The following LRRC4C variants were observed in gnomAD, a reference collection of about 807,000 sequenced individuals.
LRRC4C encodes the protein leucine-rich repeat-containing protein 4C.
LRRC4C carries 5 observed loss-of-function variants against 33.6 expected under a neutral mutation model. The observed-to-expected ratio is 0.15, with a 90% CI of 0.08 to 0.31. LRRC4C has a LOEUF of 0.31. LRRC4C is among the 10% of genes least tolerant of loss of function. LRRC4C has a pLI of 1.00. For synonymous variants in LRRC4C, 329 were observed against 302.0 expected, an observed-to-expected ratio of 1.09 and a Z score of -0.93; for missense variants, 560 against 796.7, an observed-to-expected ratio of 0.70 and a Z score of 3.58.
chr11:41,189,763 G>C (rs1234252144), intron 1 of LRRC4C, among the ~76,000 whole-genome samples: 1 of 152,154 alleles, frequency 6.6e-6, no homozygotes, highest in Non-Finnish European at 1.5e-5. Flanking sequence ...GAAGACAAAG[G>C]TGCAATGAGA....
At chr11:40,152,999 C>T (rs1858354176) in intron 5 of LRRC4C, among the ~76,000 whole-genome samples, 2 of 152,132 alleles carry the variant, frequency 1.3e-5, no homozygotes, top group Admixed American at 1.3e-4. Flanking sequence ...AAAAATAGAG[C>T]ATTAAACCAC....
intron 1 of LRRC4C, among the ~76,000 whole-genome samples, chr11:41,200,891 T>C (rs1946375759): frequency 6.6e-6 from 1 of 152,190 alleles, no homozygotes; most frequent in Admixed American, 6.5e-5. Context: ...AGCTGGGAAG[T>C]CAGTCCACTG....
In LRRC4C at chr11:41,396,048, A is replaced by AT. The variant is rs543944611; in HGVS notation, c.-496+63382dup. On this transcript the variant is annotated intron_variant, in intron 1 of 6. Coordinates refer to ENST00000528697, the MANE Select transcript of LRRC4C (RefSeq NM_001258419.2). ...TTAAAACATTCTGAGACTTTTTGCTATTTTTTTCGGCTCAACGGCTATTGT... is the reference window on the plus strand; with the variant it reads ...TTAAAACATTCTGAGACTTTTTGCTATTTTTTTTCGGCTCAACGGCTATTGT... Among the ~76,000 whole-genome samples, 984 of 152,018 alleles carry AT rather than the reference A, an allele frequency of 6.5e-3. 10 individuals are homozygous for AT. Among genetic ancestry groups the AT allele is most frequent in the Non-Finnish European group, 8.7e-3 (591 of 67,918 alleles).
intron 3 of LRRC4C, among the ~76,000 whole-genome samples, chr11:40,491,333 T>C (rs1954141405): frequency 1.3e-5 from 2 of 152,076 alleles, no homozygotes; most frequent in Non-Finnish European, 2.9e-5. Context: ...TTAGCTTCTG[T>C]TGCTGTGTAA....
intron 2 of LRRC4C, among the ~76,000 whole-genome samples, chr11:40,891,802 G>C (rs1293218166): frequency 6.6e-6 from 1 of 152,146 alleles, no homozygotes; most frequent in Non-Finnish European, 1.5e-5. Flanking sequence ...ACTGTTGGTA[G>C]GAGTACAAAT....
chr11:40,194,408 AT>A (rs1432995923), intron 5 of LRRC4C, among the ~76,000 whole-genome samples: 6 of 152,172 alleles, frequency 3.9e-5, no homozygotes, highest in African/African-American at 1.2e-4. Context: ...ATGCTGAGGA[AT>A]TTTATTACCA....
chr11:40,619,465 C>T (rs915407672), intron 3 of LRRC4C, among the ~76,000 whole-genome samples: 2 of 151,574 alleles, frequency 1.3e-5, no homozygotes, highest in Non-Finnish European at 3.0e-5. Flanking sequence ...ATAAAGAAGA[C>T]TGAACAGATA....
At chr11:40,958,119 C>T (rs78883071) in intron 1 of LRRC4C, among the ~76,000 whole-genome samples, 2,390 of 151,700 alleles carry the variant, frequency 0.016, 64 homozygotes, top group African/African-American at 0.055. Context: ...GCCCTCACCA[C>T]ACACTGAATC....
chr11:40,766,353 TAAAAAAAAAAAAAAAAA>T, intron 2 of LRRC4C, among the ~76,000 whole-genome samples: 1 of 33,916 alleles, frequency 2.9e-5, no homozygotes, highest in South Asian at 1.8e-3. Flanking sequence ...TTCAGTCTGT[TAAAAAAAAAAAAAAAAA>T]AAAAAAAAAG....
intron 5 of LRRC4C, among the ~76,000 whole-genome samples, chr11:40,237,462 C>A (rs555072218): frequency 6.6e-6 from 1 of 152,286 alleles, no homozygotes; most frequent in Admixed American, 6.5e-5. Context: ...CTCTATTTGT[C>A]CACTGATAAA....
At chr11:40,409,345 A>T (rs2137620971) in intron 3 of LRRC4C, among the ~76,000 whole-genome samples, 1 of 152,024 alleles carries the variant, frequency 6.6e-6, no homozygotes, top group South Asian at 2.1e-4. Context: ...TGGGCAATTG[A>T]TATATCCCCC....
At chr11:40,495,714 T>G (rs1454809374) in intron 3 of LRRC4C, among the ~76,000 whole-genome samples, 1 of 151,648 alleles carries the variant, frequency 6.6e-6, no homozygotes, top group African/African-American at 2.4e-5. Flanking sequence ...AATCTCTTAG[T>G]CTCTGTGTTG....
intron 3 of LRRC4C, among the ~76,000 whole-genome samples, chr11:40,372,995 T>C (rs1258365001): frequency 6.6e-6 from 1 of 152,192 alleles, no homozygotes; most frequent in Non-Finnish European, 1.5e-5. Context: ...ACAATTATTA[T>C]TTGAAAACGG....
intron 4 of LRRC4C, among the ~76,000 whole-genome samples, chr11:40,281,843 G>T (rs2136453563): frequency 6.6e-6 from 1 of 152,138 alleles, no homozygotes; most frequent in East Asian, 1.9e-4. Flanking sequence ...TCAGAAAAAG[G>T]CTTTCTTTTT....
chr11:40,811,585 C>T (rs1196581498), intron 2 of LRRC4C, among the ~76,000 whole-genome samples: 3 of 152,128 alleles, frequency 2.0e-5, no homozygotes, highest in Non-Finnish European at 4.4e-5. Context: ...GCAACCTCTG[C>T]CTCCTGGATT....
intron 6 of LRRC4C, among the ~76,000 whole-genome samples, chr11:40,118,292 A>G (rs941958817): frequency 2.0e-5 from 3 of 151,170 alleles, no homozygotes; most frequent in African/African-American, 7.3e-5. Flanking sequence ...CATATCTAAC[A>G]TTTATTGAGT....
At chr11:41,140,870 ATTATAT>A (rs1426162353) in intron 1 of LRRC4C, among the ~76,000 whole-genome samples, 2 of 152,148 alleles carry the variant, frequency 1.3e-5, no homozygotes, top group Non-Finnish European at 2.9e-5. Flanking sequence ...TTTGACACAG[ATTATAT>A]TACTAAGAAA....
At chr11:40,868,096 T>G (rs1254661204) in intron 2 of LRRC4C, among the ~76,000 whole-genome samples, 2 of 152,168 alleles carry the variant, frequency 1.3e-5, no homozygotes, top group African/African-American at 4.8e-5. Context: ...AGAAAGCCTA[T>G]GAGGCTTTTC....
chr11:40,653,557 G>A (rs943561632), intron 2 of LRRC4C, among the ~76,000 whole-genome samples: 1 of 152,124 alleles, frequency 6.6e-6, no homozygotes, highest in Non-Finnish European at 1.5e-5. Flanking sequence ...AGGTAACTTG[G>A]GTTCTCTTAG....
Sources: allele counts gnomAD v4.1 joint callset (sites outside exome capture counted in the v4.1 genomes callset), GRCh38; gene constraint gnomAD v4.1.1; transcripts MANE v1.5; gene names NCBI Gene and HGNC (gene_info 2026-07-23, HGNC 2026-07-21).